CARS2: variants seen among roughly 807,000 people sequenced by gnomAD.
The protein encoded by CARS2 is probable cysteine--tRNA ligase, mitochondrial.
A neutral mutation model predicts 68.8 loss-of-function variants in CARS2; 52 were observed. That is an observed-to-expected ratio of 0.76 (90% CI 0.61 to 0.95). The LOEUF (loss-of-function observed/expected upper bound fraction) is 0.95, where lower values mean the gene tolerates loss of function less well. Ranked by LOEUF, CARS2 falls within the 40% of genes least tolerant of loss-of-function variation. The pLI is 0.00. For missense variants in CARS2, 780 were observed against 754.2 expected (o/e 1.03, Z -0.40); for synonymous variants, 314 against 303.6 (o/e 1.03, Z -0.36).
intron 2 of CARS2, among the ~76,000 whole-genome samples, chr13:110,704,526 C>A (rs1437673062): frequency 2.0e-5 from 3 of 152,140 alleles, no homozygotes; most frequent in African/African-American, 7.2e-5. Context: ...GAGTTCGAGA[C>A]CAGCCTGGCT....
At chr13:110,706,180 C>A (rs112057163), upstream of CARS2, 228 of 988,376 alleles carry the variant, frequency 2.3e-4, no homozygotes, top group African/African-American at 3.3e-3. Flanking sequence ...GGCCCCGCCC[C>A]GCCCCGCCCA....
At chr13:110,652,403 C>T (rs1251863185) in intron 9 of CARS2, among the ~76,000 whole-genome samples, 3 of 152,366 alleles carry the variant, frequency 2.0e-5, no homozygotes, top group East Asian at 1.9e-4. Flanking sequence ...AGTCTAAGGC[C>T]GTGCTGCTCA....
At chr13:110,666,975 G>A in intron 8 of CARS2, 2 of 983,896 alleles carry the variant, frequency 2.0e-6, no homozygotes. Flanking sequence ...AAAGGGCAAT[G>A]TTATTAGAAG....
At chr13:110,649,697 C>G (rs900602321) in intron 10 of CARS2, among the ~76,000 whole-genome samples, 1 of 152,142 alleles carries the variant, frequency 6.6e-6, no homozygotes, top group East Asian at 1.9e-4. Flanking sequence ...ACAACAGCAG[C>G]GACCCAGGGC....
chr13:110,713,007 G>T (rs372639568), intron 1 of CARS2: 1 of 1,533,940 alleles, frequency 6.5e-7, no homozygotes, highest in Non-Finnish European at 8.8e-7. Flanking sequence ...TGCGGCCGCA[G>T]CTCAAAGGAC....
rs977882652 is a variant in CARS2, at chr13:110,705,986, C to G, written c.108G>C (p.Gly36=). The change falls in exon 1 of 15, where the codon GGG becomes GGC. Residue 36 remains glycine, a synonymous_variant. Transcript: ENST00000257347. This position sits in a 1 kb window ranked among gnomAD's most constrained non-coding sequence, Gnocchi z 4.0. ...GCTGCAGCCAGGCCCGCCCGCGCCCCCCGCTCGCCGCCCGGCCCGCAGGCC... is the reference window on the plus strand; with the variant it reads ...GCTGCAGCCAGGCCCGCCCGCGCCCGCCGCTCGCCGCCCGGCCCGCAGGCC... The part of the protein sequence containing the change: ...WHWPAGRAAS[G]GRGRAWLQPT... 11 of 1,505,848 alleles carry G rather than the reference C, an allele frequency of 7.3e-6. No individual in the cohort carries two copies. Among genetic ancestry groups the G allele is most frequent in the Middle Eastern group, 1.7e-4 (1 of 5,768 alleles). 93.3% of individuals were successfully genotyped at this position (1,505,848 alleles called of 1,614,324 possible).
intron 9 of CARS2, among the ~76,000 whole-genome samples, chr13:110,659,743 A>T (rs1022553328): frequency 6.6e-6 from 1 of 152,238 alleles, no homozygotes; most frequent in Non-Finnish European, 1.5e-5. Context: ...TTGCTAACAA[A>T]AATGATAATC....
At chr13:110,710,531 A>G (rs187751998), upstream of CARS2, among the ~76,000 whole-genome samples, 2 of 152,348 alleles carry the variant, frequency 1.3e-5, no homozygotes, top group Admixed American at 6.5e-5. Context: ...TTCTACGGAA[A>G]AGTTTTAACA....
At chr13:110,664,232 C>T (rs1457877181) in intron 8 of CARS2, 9 of 980,986 alleles carry the variant, frequency 9.2e-6, no homozygotes, top group Admixed American at 6.2e-5. Flanking sequence ...CCAGGCCGGA[C>T]GCAGTGGCTC....
In CARS2 at chr13:110,653,683, G is replaced by A. The variant is rs910939239; in HGVS notation, c.988-2583C>T. Among the ~76,000 whole-genome samples, 3 of 152,328 alleles carry A rather than the reference G, an allele frequency of 2.0e-5. No homozygotes were observed. In the East Asian group the frequency reaches 5.8e-4, roughly 29 times the overall value. On this transcript the variant is annotated intron_variant, in intron 9 of 14. Coordinates refer to ENST00000257347, the MANE Select transcript of CARS2 (RefSeq NM_024537.4). This position sits in a 1 kb window ranked among gnomAD's most constrained non-coding sequence, Gnocchi z 5.6. Reference sequence around the variant, plus strand: ...GCTTATCTTCCCTGCTCTTGCGGGGGCGGGCGCTACTGCAGCGAGCTATAG... The same window carrying A: ...GCTTATCTTCCCTGCTCTTGCGGGGACGGGCGCTACTGCAGCGAGCTATAG...
chr13:110,712,836 G>A (rs1483145160), intron 1 of CARS2: 1 of 992,480 alleles, frequency 1.0e-6, no homozygotes, highest in Non-Finnish European at 1.5e-6. Context: ...GCACTAGGAA[G>A]CAGCTTCCCT....
At chr13:110,685,578 T>C (rs1004513203) in intron 5 of CARS2, among the ~76,000 whole-genome samples, 1 of 152,252 alleles carries the variant, frequency 6.6e-6, no homozygotes, top group African/African-American at 2.4e-5. Context: ...AAAAGGTTTT[T>C]ATGGTCTGAG....
chr13:110,667,296 G>A (rs2062675376), intron 8 of CARS2, 44 bp downstream of exon 8: 3 of 1,561,768 alleles, frequency 1.9e-6, no homozygotes, highest in Non-Finnish European at 2.6e-6. Context: ...AGACAGAACT[G>A]CTAGAATTGA....
Position 110,668,382 on chromosome 13 carries a change from A to T in CARS2, c.786-909T>A, listed in dbSNP as rs1481967619. On this transcript the variant is annotated intron_variant, in intron 7 of 14. Coordinates refer to ENST00000257347, the MANE Select transcript of CARS2 (RefSeq NM_024537.4). The surrounding 1 kb of genome is among the most constrained non-coding windows in gnomAD (Gnocchi z 4.1). ...CATGGTGAAACCCCGTCTCCACTAA[A>T]ATACAAAAAATCAGCCGGGCGTGGT... is the stretch of plus-strand genomic sequence containing the variant. Among the ~76,000 whole-genome samples the T allele has an allele frequency of 2.0e-5, 3 of 152,016 alleles. No individual in the cohort carries two copies. Among genetic ancestry groups the T allele is most frequent in the Non-Finnish European group, 4.4e-5 (3 of 68,006 alleles).
intron 7 of CARS2, among the ~76,000 whole-genome samples, chr13:110,667,775 G>A (rs1012624047): frequency 2.6e-5 from 4 of 151,918 alleles, no homozygotes; most frequent in Non-Finnish European, 5.9e-5. Context: ...ACTTTCAATA[G>A]GTAGAGTTTA....
chr13:110,701,149 G>A (rs777092061), intron 3 of CARS2, among the ~76,000 whole-genome samples: 2 of 151,348 alleles, frequency 1.3e-5, no homozygotes, highest in South Asian at 2.1e-4. Context: ...TGCAACCTTC[G>A]CCCCCCCAGG....
At chr13:110,712,741 G>C (rs187307683) in intron 1 of CARS2, 1 of 700,532 alleles carries the variant, frequency 1.4e-6, no homozygotes, top group African/African-American at 1.7e-5. Context: ...AGCGGCCTCC[G>C]AGAACGGTGT....
At chr13:110,677,737 CCAGA>C (rs1566707140) in intron 6 of CARS2, among the ~76,000 whole-genome samples, 1 of 104,328 alleles carries the variant, frequency 9.6e-6, no homozygotes, top group East Asian at 3.2e-4. Flanking sequence ...CCACGGAAAC[CCAGA>C]CAGTCACCCC....
rs182034052 is a variant in CARS2 at position 110,695,968 on chromosome 13, C to T, written c.393+5470G>A. ...ACAGGCGCCGGGTGTGTGATGTTCC[C>T]CTCCCTGTGTCCATGTGCTCTCATT... On this transcript the variant is annotated intron_variant, in intron 3 of 14. Transcript: ENST00000257347. 9.9e-5 allele frequency among the ~76,000 whole-genome samples: 15 copies of T among 152,186 alleles called. No homozygotes were observed. In the East Asian group the frequency reaches 2.9e-3, roughly 29 times the overall value.
Sources: allele counts gnomAD v4.1 joint callset (sites outside exome capture counted in the v4.1 genomes callset), GRCh38; gene constraint gnomAD v4.1.1; non-coding constraint Gnocchi (gnomAD v3.1); transcripts MANE v1.5; gene names NCBI Gene and HGNC (gene_info 2026-07-23, HGNC 2026-07-21).